Variants in GAS2 observed in about 807,000 individuals in gnomAD.
The protein encoded by GAS2 is growth arrest specific 2, also known as growth arrest-specific protein 2.
A neutral mutation model predicts 37.5 loss-of-function variants in GAS2; 20 were observed. The observed-to-expected ratio is 0.53, with a 90% CI of 0.37 to 0.77. GAS2 has a LOEUF of 0.77. Ranked by LOEUF, GAS2 falls within the 30% of genes least tolerant of loss-of-function variation. The probability of loss-of-function intolerance (pLI) is 0.00; values close to 1 mark genes in which losing one functional copy is unlikely to be tolerated. For missense variants in GAS2, 336 were observed against 373.4 expected, an observed-to-expected ratio of 0.90 and a Z score of 0.82; for synonymous variants, 144 against 132.2, an observed-to-expected ratio of 1.09 and a Z score of -0.61.
chr11:22,762,065 A>G (rs1197815122), intron 7 of GAS2, among the ~76,000 whole-genome samples: 3 of 152,182 alleles, frequency 2.0e-5, no homozygotes. Context: ...TCATAGAAAC[A>G]TAGTTTGAGA....
At chr11:22,646,063 G>A (rs571970619) in intron 1 of GAS2, among the ~76,000 whole-genome samples, 6 of 152,000 alleles carry the variant, frequency 3.9e-5, no homozygotes, top group African/African-American at 1.2e-4. Context: ...GGCTGGTCTC[G>A]AACTCCTGAC....
chr11:22,699,202 T>G (rs1274035882), intron 3 of GAS2, among the ~76,000 whole-genome samples: 1 of 152,140 alleles, frequency 6.6e-6, no homozygotes, highest in Non-Finnish European at 1.5e-5. Context: ...AAGAAATTTT[T>G]GGAAAAGATG....
intron 1 of GAS2, among the ~76,000 whole-genome samples, chr11:22,636,459 A>G (rs12418207): frequency 0.23 from 34,625 of 152,054 alleles, 4,902 homozygotes; most frequent in African/African-American, 0.39. Context: ...ACCCTCCCAC[A>G]TTGCATAACA....
chr11:22,668,111 A>T (rs1849052690), intron 1 of GAS2: 1 of 152,404 alleles, frequency 6.6e-6, no homozygotes, highest in South Asian at 2.1e-4. Flanking sequence ...ATCCCCTGAG[A>T]TTCACAGAGG....
At chr11:22,646,887 CT>C (rs896147255) in intron 1 of GAS2, among the ~76,000 whole-genome samples, 6 of 150,272 alleles carry the variant, frequency 4.0e-5, no homozygotes, top group African/African-American at 1.5e-4. Context: ...CTCTTTCTTT[CT>C]TTTTCTTTCT....
intron 1 of GAS2, among the ~76,000 whole-genome samples, chr11:22,633,840 A>G (rs1458424833): frequency 6.6e-6 from 1 of 152,154 alleles, no homozygotes; most frequent in East Asian, 1.9e-4. Context: ...TTACATGTAG[A>G]AAAGGACTAT....
chr11:22,809,401 T>C (rs370797507), intron 7 of GAS2, among the ~76,000 whole-genome samples: 26 of 152,186 alleles, frequency 1.7e-4, no homozygotes, highest in African/African-American at 6.0e-4. Flanking sequence ...TAAAGGTCAG[T>C]TTGCTGAGGA....
intron 1 of GAS2, among the ~76,000 whole-genome samples, chr11:22,641,362 T>C (rs980216634): frequency 1.4e-5 from 2 of 146,938 alleles, no homozygotes; most frequent in Non-Finnish European, 3.0e-5. Flanking sequence ...ATATATTTTA[T>C]TATACTTTAA....
At chr11:22,668,863 G>A (rs1190484563) in intron 1 of GAS2, among the ~76,000 whole-genome samples, 1 of 152,144 alleles carries the variant, frequency 6.6e-6, no homozygotes, top group African/African-American at 2.4e-5. Context: ...GTATCTTTGT[G>A]GTTTTGATAT....
intron 3 of GAS2, among the ~76,000 whole-genome samples, chr11:22,692,974 CTTTG>C (rs1850325256): frequency 6.6e-6 from 1 of 152,096 alleles, no homozygotes; most frequent in Non-Finnish European, 1.5e-5. Context: ...GATGCTGAAA[CTTTG>C]TTTAGTTGGC....
At chr11:22,739,386 A>G (rs1852930840) in intron 5 of GAS2, among the ~76,000 whole-genome samples, 1 of 151,960 alleles carries the variant, frequency 6.6e-6, no homozygotes, top group African/African-American at 2.4e-5. Flanking sequence ...CATCCTGACT[A>G]ACAGAATGAA....
At chr11:22,757,856 G>A (rs1201800109) in intron 7 of GAS2, among the ~76,000 whole-genome samples, 2 of 150,954 alleles carry the variant, frequency 1.3e-5, no homozygotes, top group Admixed American at 1.3e-4. Flanking sequence ...TTTCCACCCT[G>A]AAGGAGTAAT....
At chr11:22,735,064 C>T (rs1459977005) in intron 4 of GAS2, among the ~76,000 whole-genome samples, 2 of 151,612 alleles carry the variant, frequency 1.3e-5, no homozygotes, top group Non-Finnish European at 1.5e-5. Flanking sequence ...TGTTCATCAT[C>T]ACAACCCCTA....
chr11:22,649,655 T>C (rs935356531), intron 1 of GAS2, among the ~76,000 whole-genome samples: 1 of 152,224 alleles, frequency 6.6e-6, no homozygotes, highest in Non-Finnish European at 1.5e-5. Context: ...GGAGAGCGTA[T>C]GTGTCGAGGA....
At chr11:22,711,568 G>T (rs1490934682) in intron 3 of GAS2, among the ~76,000 whole-genome samples, 1 of 152,236 alleles carries the variant, frequency 6.6e-6, no homozygotes, top group African/African-American at 2.4e-5. Context: ...AGGCCTGAGA[G>T]CCCTGCTTGC....
intron 4 of GAS2, among the ~76,000 whole-genome samples, chr11:22,732,825 G>T (rs902368552): frequency 4.7e-5 from 7 of 149,402 alleles, no homozygotes; most frequent in Admixed American, 2.7e-4. Context: ...CACCACCATT[G>T]CTATCCTTCA....
In GAS2 at chr11:22,789,416, C is replaced by T. The variant is rs1277530616; in HGVS notation, c.724-22382C>T. On this transcript the variant is annotated intron_variant, in intron 7 of 7. Coordinates refer to ENST00000454584, the MANE Select transcript of GAS2 (RefSeq NM_001143830.3). Reference sequence around the variant, plus strand: ...TGTGTGTGTGTGTATGTGTGTGTATCTCATATGAGATATATATATATATAT... The same window carrying T: ...TGTGTGTGTGTGTATGTGTGTGTATTTCATATGAGATATATATATATATAT... Among the ~76,000 whole-genome samples, 2 of 90,350 alleles carry T rather than the reference C, an allele frequency of 2.2e-5. 1 individual carries two copies. Among genetic ancestry groups the T allele is most frequent in the Non-Finnish European group, 4.3e-5 (2 of 46,120 alleles). 59.3% of individuals were successfully genotyped at this position (90,350 alleles called of 152,430 possible). A position where few individuals can be genotyped will look rare whatever the true frequency, so the allele number is the denominator to read the frequency against.
intron 1 of GAS2, among the ~76,000 whole-genome samples, chr11:22,628,780 C>T (rs1858701210): frequency 1.3e-5 from 2 of 152,078 alleles, no homozygotes; most frequent in Admixed American, 1.3e-4. Context: ...ATCCCTCACC[C>T]CATCCCACCT....
At chr11:22,668,537 A>T (rs2403744) in intron 1 of GAS2, among the ~76,000 whole-genome samples, 14,857 of 152,214 alleles carry the variant, frequency 0.098, 1,095 homozygotes, top group African/African-American at 0.19. Context: ...TTACTGGGAA[A>T]TAAGTTCACA....
Sources: gnomAD v4.1 joint callset for allele counts (sites outside exome capture counted in the v4.1 genomes callset) on GRCh38, gnomAD v4.1.1 for gene constraint, MANE v1.5 for transcripts, NCBI Gene and HGNC (gene_info 2026-07-23, HGNC 2026-07-21) for gene names.